Variants in PCDHGB6 observed in about 807,000 individuals in gnomAD.
PCDHGB6 encodes protocadherin gamma-B6.
Under a neutral mutation model 59.1 loss-of-function variants are expected in PCDHGB6, and 51 were observed. The ratio of observed to expected loss-of-function variants is 0.86; its 90% CI spans 0.69 to 1.09. The LOEUF (loss-of-function observed/expected upper bound fraction) is 1.09. Ranked by LOEUF, PCDHGB6 falls within the 50% of genes least tolerant of loss-of-function variation. PCDHGB6 has a pLI of 0.00. For synonymous variants in PCDHGB6, 466 were observed against 495.1 expected (o/e 0.94, Z 0.78); for missense variants, 1,148 against 1,205.1 (o/e 0.95, Z 0.70).
rs2095276446 is a variant in PCDHGB6, at chr5:141,409,513, C to G, written c.1311C>G (p.Ser437Arg). The change falls in exon 1 of 4, where the codon AGC (serine) becomes AGG (arginine). Residue 437 changes from serine (S) to arginine (R), a missense_variant. This residue lies in a region of PCDHGB6 where 549 missense variants were observed against 527.5 expected (regional missense o/e 1.04). Transcript: ENST00000520790. ...RGKPPLSSSRSITLYVADIND... is the reference protein window; with the variant it reads ...RGKPPLSSSRRITLYVADIND... The stretch of plus-strand genomic sequence containing the variant: ...AGCCGCCTCTTTCTTCCAGTAGAAG[C>G]ATCACCTTGTATGTCGCTGACATCA... 1 of 1,614,030 alleles carries G rather than the reference C, an allele frequency of 6.2e-7. No individual in the cohort carries two copies. The highest frequency in any genetic ancestry group is 1.1e-5 in the South Asian group (1 of 91,086).
At chr5:141,428,003 C>T in intron 1 of PCDHGB6, 1 of 1,601,362 alleles carries the variant, frequency 6.2e-7, no homozygotes, top group East Asian at 2.2e-5. Flanking sequence ...CCGCACTCTT[C>T]GATATAGTGC....
intron 1 of PCDHGB6, chr5:141,478,354 C>G (rs141625672): frequency 2.8e-5 from 45 of 1,613,660 alleles, no homozygotes; most frequent in Non-Finnish European, 3.2e-5. Flanking sequence ...ACGCGGACGC[C>G]GTGCGGGGAG....
intron 1 of PCDHGB6, chr5:141,417,570 T>A: frequency 2.7e-6 from 1 of 373,028 alleles, no homozygotes; most frequent in Non-Finnish European, 4.7e-6. Context: ...AAAAGTCAAG[T>A]TGCAGTCCCA....
At chr5:141,500,340 C>A (rs188966393) in intron 2 of PCDHGB6, among the ~76,000 whole-genome samples, 92 of 152,066 alleles carry the variant, frequency 6.0e-4, no homozygotes, top group African/African-American at 2.1e-3. Flanking sequence ...TCCAGAATAG[C>A]TGGGACTACA....
intron 1 of PCDHGB6, chr5:141,421,232 C>T (rs748347420): frequency 2.5e-6 from 4 of 1,590,252 alleles, no homozygotes; most frequent in African/African-American, 2.7e-5. Flanking sequence ...CCTGCCATGG[C>T]GAATCGGCTA....
chr5:141,418,759 C>T (rs527475797), intron 1 of PCDHGB6: 17 of 1,613,898 alleles, frequency 1.1e-5, no homozygotes, highest in Non-Finnish European at 1.4e-5. Flanking sequence ...CTACAGGAAA[C>T]ATTCTAACTC....
At chr5:141,474,803 T>C (rs1383027398) in intron 1 of PCDHGB6, among the ~76,000 whole-genome samples, 1 of 152,250 alleles carries the variant, frequency 6.6e-6, no homozygotes, top group Non-Finnish European at 1.5e-5. Context: ...ATGGAGTGGT[T>C]TGCATCATTA....
At chr5:141,423,529 C>T in intron 1 of PCDHGB6, 1 of 1,613,754 alleles carries the variant, frequency 6.2e-7, no homozygotes, top group South Asian at 1.1e-5. Flanking sequence ...GCAGAAGAGT[C>T]ACCTGATTTT....
At position 141,490,521 on chromosome 5, in the gene PCDHGB6, C is replaced by T. The variant is rs146064810; in HGVS notation, c.2419-4286C>T. The stretch of plus-strand genomic sequence containing the variant: ...ACTATATCATCGAGCTGCTGGCCAG[C>T]GATGCTGGTTCACCTTCCCTACACA... On this transcript the variant is annotated intron_variant, in intron 1 of 3. Coordinates refer to ENST00000520790, the MANE Select transcript of PCDHGB6 (RefSeq NM_018926.3). This position sits in a 1 kb window ranked among gnomAD's most constrained non-coding sequence, Gnocchi z 5.4. The T allele has an allele frequency of 1.0e-4, 166 of 1,614,058 alleles. No individual in the cohort carries two copies. In the African/African-American group the frequency reaches 1.7e-3, roughly 16 times the overall value.
chr5:141,431,560 C>T lies in PCDHGB6; in HGVS notation c.2418+20940C>T, dbSNP rs751276470. On this transcript the variant is annotated intron_variant, in intron 1 of 3. Coordinates refer to ENST00000520790, the MANE Select transcript of PCDHGB6 (RefSeq NM_018926.3). This position sits in a 1 kb window ranked among gnomAD's most constrained non-coding sequence, Gnocchi z 4.8. ...CGCAGCTGCTTGTAGTCAACGCTAC[C>T]GACCCTGACGAAGGAGTCAATGCGG... The T allele has an allele frequency of 6.2e-7, 1 of 1,614,104 alleles. No individual in the cohort carries two copies. The highest frequency in any genetic ancestry group is 1.7e-5 in the Admixed American group (1 of 60,036).
At chr5:141,421,616 AC>A in intron 1 of PCDHGB6, 1 of 1,613,792 alleles carries the variant, frequency 6.2e-7, no homozygotes, top group Non-Finnish European at 8.5e-7. Context: ...ATTAATGATA[AC>A]GCCCCCAGCT....
chr5:141,409,708 G>C lies in PCDHGB6; in HGVS notation c.1506G>C (p.Ser502=), dbSNP rs2095304272. The change falls in exon 1 of 4, where the codon TCG becomes TCC. Residue 502 remains serine, a synonymous_variant. Coordinates refer to ENST00000520790, the MANE Select transcript of PCDHGB6 (RefSeq NM_018926.3). Reference sequence around the variant, plus strand: ...GTGACCTAGAGCCCCTGGCGGTGTCGTCATACGTGTCAGTGAGCGCGCAGA... The same window carrying C: ...GTGACCTAGAGCCCCTGGCGGTGTCCTCATACGTGTCAGTGAGCGCGCAGA... The part of the protein sequence containing the change: ...VASDLEPLAV[S]SYVSVSAQSG... 3.1e-6 allele frequency: 5 copies of C among 1,613,088 alleles called. No homozygotes were observed. The highest frequency in any genetic ancestry group is 1.7e-6 in the Non-Finnish European group (2 of 1,179,876).
chr5:141,491,583 C>G lies in PCDHGB6; in HGVS notation c.2419-3224C>G. On this transcript the variant is annotated intron_variant, in intron 1 of 3. Coordinates refer to ENST00000520790, the MANE Select transcript of PCDHGB6 (RefSeq NM_018926.3). This position sits in a 1 kb window ranked among gnomAD's most constrained non-coding sequence, Gnocchi z 6.9. ...GCTACAGGACGTGCTTTTCACCGGC[C>G]TCGGACGGCAGTGACTTCACTTTTC... is the stretch of plus-strand genomic sequence containing the variant. 1 of 1,613,964 alleles carries G rather than the reference C, an allele frequency of 6.2e-7. No individual in the cohort carries two copies. The highest frequency in any genetic ancestry group is 8.5e-7 in the Non-Finnish European group (1 of 1,180,046).
chr5:141,499,682 C>T, intron 2 of PCDHGB6, among the ~76,000 whole-genome samples: 1 of 148,196 alleles, frequency 6.7e-6, no homozygotes, highest in South Asian at 2.1e-4. Flanking sequence ...CCATCTTTAA[C>T]AGATGACTTT....
At chr5:141,413,229 C>A in intron 1 of PCDHGB6, 1 of 1,613,914 alleles carries the variant, frequency 6.2e-7, no homozygotes, top group South Asian at 1.1e-5. Context: ...GCGGGCTGGT[C>A]CTGCTCTGCC....
intron 1 of PCDHGB6, among the ~76,000 whole-genome samples, chr5:141,437,390 A>T (rs1422429346): frequency 6.6e-6 from 1 of 152,248 alleles, no homozygotes; most frequent in Non-Finnish European, 1.5e-5. Flanking sequence ...ACATTCATCC[A>T]CTGCTTTCAT....
At chr5:141,418,131 A>C (rs1421799777) in intron 1 of PCDHGB6, 1 of 1,614,044 alleles carries the variant, frequency 6.2e-7, no homozygotes, top group East Asian at 2.2e-5. Flanking sequence ...GACCGAATAG[A>C]CCGTGAGCAA....
At chr5:141,482,338 T>C (rs2099556539) in intron 1 of PCDHGB6, among the ~76,000 whole-genome samples, 1 of 152,156 alleles carries the variant, frequency 6.6e-6, no homozygotes, top group African/African-American at 2.4e-5. Context: ...ATATCTACTT[T>C]GCAAACTTGT....
At chr5:141,448,782 T>C (rs2098606045) in intron 1 of PCDHGB6, among the ~76,000 whole-genome samples, 1 of 148,758 alleles carries the variant, frequency 6.7e-6, no homozygotes, top group Non-Finnish European at 1.5e-5. Flanking sequence ...GTACTAAAAA[T>C]ACAAAAAAAA....
Sources: gnomAD v4.1 joint callset for allele counts (sites outside exome capture counted in the v4.1 genomes callset) on GRCh38, gnomAD v4.1.1 for gene constraint, gnomAD v4.1.1 regional missense constraint, Gnocchi (gnomAD v3.1) non-coding constraint, MANE v1.5 for transcripts, NCBI Gene and HGNC (gene_info 2026-07-23, HGNC 2026-07-21) for gene names.